Variants in SPATA17 observed in about 807,000 individuals in gnomAD.
The protein encoded by SPATA17 is spermatogenesis-associated protein 17.
SPATA17 carries 53 observed loss-of-function variants against 62.2 expected under a neutral mutation model. The ratio of observed to expected loss-of-function variants is 0.85; its 90% CI spans 0.68 to 1.07. SPATA17 has a LOEUF of 1.07. SPATA17 is among the 50% of genes least tolerant of loss of function. The pLI is 0.00. For missense variants in SPATA17, 466 were observed against 425.5 expected, an observed-to-expected ratio of 1.10 and a Z score of -0.84; for synonymous variants, 146 against 146.8, an observed-to-expected ratio of 0.99 and a Z score of 0.04.
Position 217,761,468 on chromosome 1 carries a change from A to T in SPATA17, c.520-12866A>T, listed in dbSNP as rs573390338. The stretch of plus-strand genomic sequence containing the variant: ...CCACAGAATAGTGTACTTCCAATAT[A>T]CATATACATATATATATCTCTCTCC... On this transcript the variant is annotated intron_variant, in intron 6 of 10. Transcript: ENST00000366933. Among the ~76,000 whole-genome samples, 4 of 152,322 alleles carry T rather than the reference A, an allele frequency of 2.6e-5. No homozygotes were observed. The South Asian group carries it at 6.2e-4, about 24-fold the overall frequency.
chr1:217,845,448 A>G (rs1179502929), intron 9 of SPATA17, among the ~76,000 whole-genome samples: 1 of 151,958 alleles, frequency 6.6e-6, no homozygotes, highest in Non-Finnish European at 1.5e-5. Context: ...GATGGAAGAG[A>G]TGGGAAATTA....
intron 6 of SPATA17, among the ~76,000 whole-genome samples, chr1:217,749,642 A>T (rs1189699339): frequency 6.6e-6 from 1 of 152,002 alleles, no homozygotes; most frequent in Non-Finnish European, 1.5e-5. Context: ...AACCCTGAGA[A>T]ATTGTAATAG....
chr1:217,812,334 C>T (rs890772717), intron 9 of SPATA17, among the ~76,000 whole-genome samples: 1 of 151,838 alleles, frequency 6.6e-6, no homozygotes, highest in Non-Finnish European at 1.5e-5. Context: ...ATTTTTAATG[C>T]TATTGAACTG....
intron 9 of SPATA17, among the ~76,000 whole-genome samples, chr1:217,844,318 T>C (rs868237837): frequency 2.0e-5 from 3 of 152,126 alleles, no homozygotes; most frequent in Admixed American, 1.3e-4. Context: ...CTAAGTGATA[T>C]GTACTGGGAA....
At position 217,631,385 on chromosome 1, in the gene SPATA17, A is replaced by T; in HGVS notation, c.7A>T (p.Thr3Ser). 1 of 1,614,188 alleles carries T rather than the reference A, an allele frequency of 6.2e-7. No individual in the cohort carries two copies. Among genetic ancestry groups the T allele is most frequent in the Non-Finnish European group, 8.5e-7 (1 of 1,180,032 alleles). MA[T>S]LARLQARSST... ...AACCCAAGGCCAAGAGACCATGGCC[A>T]CGTTAGCCCGGCTGCAAGCTAGGTC... The change falls in exon 1 of 11, where the codon ACG becomes TCG. Residue 3 changes from threonine to serine, a missense_variant. Physicochemically the swap from Thr to Ser is moderately conservative, Grantham distance 58. Coordinates refer to ENST00000366933, the MANE Select transcript of SPATA17 (RefSeq NM_138796.4).
rs1558054151 is a variant in SPATA17, at chr1:217,795,049, G to A, written c.873-6669G>A. 2.0e-5 allele frequency among the ~76,000 whole-genome samples: 3 copies of A among 151,970 alleles called. No homozygotes were observed. The South Asian group carries it at 6.2e-4, about 32-fold the overall frequency. Reference sequence around the variant, plus strand: ...TAATAGGCTTGTATTTTCTTTTGTTGTTCTTACTATGAACATGATTTTCCA... The same window carrying A: ...TAATAGGCTTGTATTTTCTTTTGTTATTCTTACTATGAACATGATTTTCCA... On this transcript the variant is annotated intron_variant, in intron 8 of 10. Coordinates refer to ENST00000366933, the MANE Select transcript of SPATA17 (RefSeq NM_138796.4).
chr1:217,696,066 GC>G (rs1451489453), intron 5 of SPATA17, among the ~76,000 whole-genome samples: 8 of 152,146 alleles, frequency 5.3e-5, no homozygotes, highest in African/African-American at 1.7e-4. Context: ...GCAAGCCTGG[GC>G]AATGGCGGGC....
intron 5 of SPATA17, among the ~76,000 whole-genome samples, chr1:217,730,372 A>G (rs1672376797): frequency 6.6e-6 from 1 of 151,746 alleles, no homozygotes; most frequent in Admixed American, 6.6e-5. Flanking sequence ...ACGCACCACC[A>G]CACCTGGCTT....
intron 1 of SPATA17, among the ~76,000 whole-genome samples, chr1:217,645,206 A>G (rs1670152344): frequency 1.3e-5 from 2 of 152,094 alleles, no homozygotes; most frequent in Non-Finnish European, 2.9e-5. Context: ...TTAATATAAC[A>G]TATGCTTGTA....
intron 9 of SPATA17, among the ~76,000 whole-genome samples, chr1:217,805,707 A>G (rs900699444): frequency 1.3e-5 from 2 of 152,120 alleles, no homozygotes; most frequent in African/African-American, 4.8e-5. Flanking sequence ...TGCATTATTA[A>G]TCATCAGGGA....
chr1:217,858,161 A>T (rs535374175), intron 9 of SPATA17, among the ~76,000 whole-genome samples: 1 of 152,174 alleles, frequency 6.6e-6, no homozygotes, highest in African/African-American at 2.4e-5. Flanking sequence ...AATATTACAC[A>T]TGGATAATTT....
At chr1:217,801,166 G>T (rs1174263539) in intron 8 of SPATA17, among the ~76,000 whole-genome samples, 5 of 152,154 alleles carry the variant, frequency 3.3e-5, no homozygotes, top group African/African-American at 1.2e-4. Context: ...GGAAGTCAAG[G>T]CTCATTCAGG....
intron 6 of SPATA17, among the ~76,000 whole-genome samples, chr1:217,765,189 A>C (rs1241882138): frequency 6.6e-6 from 1 of 151,710 alleles, no homozygotes; most frequent in African/African-American, 2.4e-5. Flanking sequence ...ATAGAGAATA[A>C]TTAATTTTAT....
rs75707556 is a variant in SPATA17 at position 217,860,266 on chromosome 1, G to A, written c.1006-2508G>A. On this transcript the variant is annotated intron_variant, in intron 9 of 10. Transcript: ENST00000366933. ...ATTCCACTGTGGTCCAAGAGCAGAC[G>A]TTGTATGATTTCTCTTCTTTTAAAT... Among the ~76,000 whole-genome samples, 333 of 152,186 alleles carry A rather than the reference G, an allele frequency of 2.2e-3. 4 individuals are homozygous for A. The highest frequency in any genetic ancestry group is 0.015 in the Admixed American group (224 of 15,272).
chr1:217,814,469 T>G (rs1357767836), intron 9 of SPATA17, among the ~76,000 whole-genome samples: 2 of 152,128 alleles, frequency 1.3e-5, no homozygotes. Context: ...GTGAGAGGTT[T>G]AATAGTTTGC....
chr1:217,826,167 C>T (rs544866639), intron 9 of SPATA17, among the ~76,000 whole-genome samples: 6 of 152,206 alleles, frequency 3.9e-5, no homozygotes, highest in South Asian at 2.1e-4. Flanking sequence ...CTCTCTTCCC[C>T]GACTTGTGGA....
At chr1:217,634,488 G>C (rs1669893558) in intron 1 of SPATA17, among the ~76,000 whole-genome samples, 2 of 152,158 alleles carry the variant, frequency 1.3e-5, no homozygotes, top group South Asian at 4.1e-4. Context: ...GGTGGTGCCA[G>C]CTGATCCATC....
chr1:217,818,903 T>C (rs1350431234), intron 9 of SPATA17, among the ~76,000 whole-genome samples: 1 of 150,870 alleles, frequency 6.6e-6, no homozygotes, highest in African/African-American at 2.4e-5. Flanking sequence ...TTTTTGGCTT[T>C]CTTTTAAATT....
Position 217,742,035 on chromosome 1 carries a change from A to C in SPATA17, c.456A>C (p.Glu152Asp). 1 of 1,614,158 alleles carries C rather than the reference A, an allele frequency of 6.2e-7. No homozygotes were observed. The highest frequency in any genetic ancestry group is 8.5e-7 in the Non-Finnish European group (1 of 1,180,010). Residue 152 changes from glutamate (E) to aspartate (D), a missense_variant, in exon 6 of 11, where the codon GAA becomes GAC. Transcript: ENST00000366933. Reference sequence around the variant, plus strand: ...GAGAAGAGAAGAAGGCTAACCTCGAAAGGGAAGAGAAGAAAAGAGATTACC... The same window carrying C: ...GAGAAGAGAAGAAGGCTAACCTCGACAGGGAAGAGAAGAAAAGAGATTACC... ...KEREEKKANL[E>D]REEKKRDYQA...
Sources: allele counts gnomAD v4.1 joint callset (sites outside exome capture counted in the v4.1 genomes callset), GRCh38; gene constraint gnomAD v4.1.1; transcripts MANE v1.5; gene names NCBI Gene and HGNC (gene_info 2026-07-23, HGNC 2026-07-21).